Variants in XYLT1 observed in about 807,000 individuals in gnomAD.
The protein encoded by XYLT1 is xylosyltransferase 1, also known as beta-D-xylosyltransferase 1.
Under a neutral mutation model 91.3 loss-of-function variants are expected in XYLT1, and 36 were observed. That is an observed-to-expected ratio of 0.39 (90% CI 0.30 to 0.52). The LOEUF (loss-of-function observed/expected upper bound fraction) is 0.52. Among genes scored for constraint, XYLT1 ranks in the 20% least tolerant of loss-of-function variants. The pLI is 0.68. For synonymous variants in XYLT1, 588 were observed against 532.0 expected (o/e 1.11, Z -1.45); for missense variants, 1,242 against 1,284.5 (o/e 0.97, Z 0.51).
intron 1 of XYLT1, among the ~76,000 whole-genome samples, chr16:17,435,294 T>A (rs1188083228): frequency 6.6e-6 from 1 of 152,182 alleles, no homozygotes; most frequent in African/African-American, 2.4e-5. Context: ...CAGAAATGCA[T>A]GGAAAGGGGC....
At chr16:17,410,714 C>A (rs1480766971) in intron 1 of XYLT1, among the ~76,000 whole-genome samples, 1 of 146,946 alleles carries the variant, frequency 6.8e-6, no homozygotes, top group Non-Finnish European at 1.5e-5. Context: ...GTGATCTTGG[C>A]TCACTGCAAC....
At chr16:17,401,051 A>T (rs896796900) in intron 1 of XYLT1, among the ~76,000 whole-genome samples, 1 of 152,018 alleles carries the variant, frequency 6.6e-6, no homozygotes, top group African/African-American at 2.4e-5. Flanking sequence ...CAATTCTTTA[A>T]CATTAGTGTT....
intron 2 of XYLT1, among the ~76,000 whole-genome samples, chr16:17,277,719 C>T (rs922189076): frequency 3.3e-5 from 5 of 152,080 alleles, no homozygotes; most frequent in Non-Finnish European, 5.9e-5. Context: ...TTCACGTGTA[C>T]TCAATGTTTA....
intron 2 of XYLT1, among the ~76,000 whole-genome samples, chr16:17,292,105 C>CACACACACACAT (rs1491509347): frequency 1.2e-4 from 17 of 137,526 alleles, no homozygotes; most frequent in African/African-American, 4.3e-4. Context: ...CACACACACA[C>CACACACACACAT]ATATACACAT....
intron 1 of XYLT1, among the ~76,000 whole-genome samples, chr16:17,408,188 C>A (rs2036058776): frequency 1.3e-5 from 2 of 152,132 alleles, no homozygotes; most frequent in Non-Finnish European, 2.9e-5. Context: ...AATCACCTGC[C>A]CTGGAAAATG....
At chr16:17,293,879 C>T (rs752455466) in intron 2 of XYLT1, among the ~76,000 whole-genome samples, 16 of 152,112 alleles carry the variant, frequency 1.1e-4, no homozygotes, top group African/African-American at 2.7e-4. Flanking sequence ...AAACCCTGGA[C>T]GCATCTTGGG....
intron 2 of XYLT1, among the ~76,000 whole-genome samples, chr16:17,314,420 C>T (rs1233483175): frequency 1.3e-5 from 2 of 152,140 alleles, no homozygotes; most frequent in East Asian, 1.9e-4. Flanking sequence ...CTCTAGAAAC[C>T]ACTAGATTCC....
At chr16:17,272,457 G>A (rs892001246) in intron 2 of XYLT1, among the ~76,000 whole-genome samples, 11 of 152,040 alleles carry the variant, frequency 7.2e-5, no homozygotes, top group South Asian at 2.1e-4. Context: ...GAGCCACTGC[G>A]CCCGGCCATG....
chr16:17,260,345 G>T (rs1010215198), intron 2 of XYLT1, among the ~76,000 whole-genome samples: 5 of 152,142 alleles, frequency 3.3e-5, no homozygotes, highest in African/African-American at 9.7e-5. Context: ...AATTGTTTCT[G>T]CAACATGTTG....
chr16:17,166,625 C>T (rs1401858018), intron 5 of XYLT1, among the ~76,000 whole-genome samples: 1 of 151,882 alleles, frequency 6.6e-6, no homozygotes, highest in African/African-American at 2.4e-5. Flanking sequence ...GATTCTCCTG[C>T]TTCAGCCTCT....
At chr16:17,465,845 T>G (rs935370318) in intron 1 of XYLT1, among the ~76,000 whole-genome samples, 5 of 152,136 alleles carry the variant, frequency 3.3e-5, no homozygotes, top group African/African-American at 1.2e-4. Flanking sequence ...CCCACATGAG[T>G]TCACATATAT....
intron 4 of XYLT1, among the ~76,000 whole-genome samples, chr16:17,200,259 A>G (rs2032513461): frequency 6.6e-6 from 1 of 151,988 alleles, no homozygotes; most frequent in African/African-American, 2.4e-5. Flanking sequence ...AGCATTTATC[A>G]TTTATGGACA....
intron 1 of XYLT1, among the ~76,000 whole-genome samples, chr16:17,376,631 G>A (rs1401084267): frequency 7.2e-5 from 11 of 151,950 alleles, no homozygotes; most frequent in Middle Eastern, 3.4e-3. Context: ...GTTCAAGACC[G>A]GCCTGACCAA....
chr16:17,347,567 G>C (rs1425235929), intron 2 of XYLT1, among the ~76,000 whole-genome samples: 1 of 152,168 alleles, frequency 6.6e-6, no homozygotes, highest in Non-Finnish European at 1.5e-5. Context: ...TAAAAAAAGA[G>C]CTCGTACAAT....
In XYLT1 at chr16:17,374,506, A is replaced by T. The variant is rs189140133; in HGVS notation, c.364-16456T>A. ...AACTCAGTGAATCAGCACACTGAAG[A>T]TTTTCAAAATAAGTCTCAAATAATT... is the stretch of plus-strand genomic sequence containing the variant. On this transcript the variant is annotated intron_variant, in intron 1 of 11. Coordinates refer to ENST00000261381, the MANE Select transcript of XYLT1 (RefSeq NM_022166.4). Among the ~76,000 whole-genome samples the T allele has an allele frequency of 2.7e-3, 408 of 152,284 alleles. 3 individuals are homozygous for T. In the Middle Eastern group the frequency reaches 0.027, roughly 10 times the overall value.
intron 2 of XYLT1, among the ~76,000 whole-genome samples, chr16:17,292,625 G>C (rs999477778): frequency 6.6e-6 from 1 of 152,208 alleles, no homozygotes. Flanking sequence ...GGCGATGAAG[G>C]AGAAGTTTAA....
At chr16:17,376,742 G>A (rs754096101) in intron 1 of XYLT1, among the ~76,000 whole-genome samples, 7 of 146,114 alleles carry the variant, frequency 4.8e-5, no homozygotes, top group Non-Finnish European at 6.0e-5. Context: ...CAGGAGAATC[G>A]CTTGAATCCG....
intron 2 of XYLT1, among the ~76,000 whole-genome samples, chr16:17,339,893 C>A (rs1433706232): frequency 1.3e-5 from 2 of 150,310 alleles, no homozygotes; most frequent in African/African-American, 2.4e-5. Flanking sequence ...CATCATCATC[C>A]ATCCATCACC....
At chr16:17,187,584 A>G (rs1468199721) in intron 5 of XYLT1, among the ~76,000 whole-genome samples, 4 of 150,522 alleles carry the variant, frequency 2.7e-5, no homozygotes, top group Non-Finnish European at 4.4e-5. Context: ...AAAAAAAAAA[A>G]AAAAGAAAGA....
Sources: allele counts gnomAD v4.1 joint callset (sites outside exome capture counted in the v4.1 genomes callset), GRCh38; gene constraint gnomAD v4.1.1; transcripts MANE v1.5; gene names NCBI Gene and HGNC (gene_info 2026-07-23, HGNC 2026-07-21).